The following SAMD5 variants were observed in gnomAD, a reference collection of about 807,000 sequenced individuals.
The protein encoded by SAMD5 is sterile alpha motif domain containing 5.
In SAMD5, 13 loss-of-function variants were observed where a neutral mutation model predicts 11.3. The observed-to-expected ratio is 1.15, with a 90% CI of 0.75 to 1.83. SAMD5 has a LOEUF of 1.83. Ranked by LOEUF, SAMD5 falls within the 40% of genes most tolerant of loss-of-function variation. The probability of loss-of-function intolerance (pLI) is 0.00; values close to 1 mark genes in which losing one functional copy is unlikely to be tolerated. For synonymous variants in SAMD5, 129 were observed against 111.3 expected, an observed-to-expected ratio of 1.16 and a Z score of -1.00; for missense variants, 255 against 239.1, an observed-to-expected ratio of 1.07 and a Z score of -0.44.
chr6:147,884,201 G>A, the SAMD5 span, among the ~76,000 whole-genome samples: 2 of 152,212 alleles, frequency 1.3e-5, no homozygotes, highest in Admixed American at 6.5e-5. Context: ...AAGATGTACA[G>A]TTGGCAAAGA....
At chr6:147,659,569 G>A (rs745435572) in intron 1 of SAMD5, among the ~76,000 whole-genome samples, 11 of 152,130 alleles carry the variant, frequency 7.2e-5, no homozygotes, top group Non-Finnish European at 1.3e-4. Context: ...ATTCTTAGAC[G>A]TGATTAGGAA....
chr6:147,693,610 G>A (rs1201582496), intron 1 of SAMD5, among the ~76,000 whole-genome samples: 1 of 152,230 alleles, frequency 6.6e-6, no homozygotes, highest in Non-Finnish European at 1.5e-5. Context: ...GAGGAATGAT[G>A]TTTAAGGATT....
chr6:147,691,461 T>G (rs1265430180), intron 1 of SAMD5, among the ~76,000 whole-genome samples: 1 of 152,206 alleles, frequency 6.6e-6, no homozygotes, highest in African/African-American at 2.4e-5. Context: ...TTTTTTCAAC[T>G]ATGACTTTCA....
intron 1 of SAMD5, among the ~76,000 whole-genome samples, chr6:147,640,497 C>CAAAA (rs1172694444): frequency 0.048 from 1,156 of 24,200 alleles, 280 homozygotes; most frequent in Non-Finnish European, 0.084. Flanking sequence ...GACTCTGTCG[C>CAAAA]AAAAAAAAAA....
At chr6:147,530,155 G>A (rs1333715) in intron 1 of SAMD5, among the ~76,000 whole-genome samples, 100,207 of 152,132 alleles carry the variant, frequency 0.66, 33,384 homozygotes, top group East Asian at 0.89. Flanking sequence ...TAGAGGTTTC[G>A]CTGCAGAAAG....
the SAMD5 span, among the ~76,000 whole-genome samples, chr6:147,834,966 C>T: frequency 1.2e-3 from 182 of 152,206 alleles, 3 homozygotes; most frequent in Middle Eastern, 6.8e-3. Flanking sequence ...TGGTGGCTCA[C>T]GCCTGTAATC....
chr6:147,946,953 T>C, the SAMD5 span, among the ~76,000 whole-genome samples: 5 of 152,206 alleles, frequency 3.3e-5, no homozygotes, highest in Admixed American at 2.0e-4. Context: ...CAATAAGCTA[T>C]TGTTATTGCT....
At chr6:147,791,897 G>A in the SAMD5 span, among the ~76,000 whole-genome samples, 1 of 152,208 alleles carries the variant, frequency 6.6e-6, no homozygotes, top group Non-Finnish European at 1.5e-5. Flanking sequence ...ACTATAGACA[G>A]TAAACAGAGT....
intron 1 of SAMD5, among the ~76,000 whole-genome samples, chr6:147,704,587 G>A (rs1033530000): frequency 6.6e-6 from 1 of 152,174 alleles, no homozygotes; most frequent in African/African-American, 2.4e-5. Context: ...GGTAGTGGGG[G>A]TGTGGAGTGG....
At chr6:147,697,396 C>T (rs1339757640) in intron 1 of SAMD5, among the ~76,000 whole-genome samples, 2 of 152,170 alleles carry the variant, frequency 1.3e-5, no homozygotes, top group African/African-American at 4.8e-5. Context: ...TTTAATCATT[C>T]AAACTTCCAC....
At chr6:147,522,350 G>A (rs1481794003) in intron 1 of SAMD5, among the ~76,000 whole-genome samples, 1 of 152,100 alleles carries the variant, frequency 6.6e-6, no homozygotes, top group African/African-American at 2.4e-5. Context: ...CTATATTAAG[G>A]AAAAGCATTA....
the SAMD5 span, among the ~76,000 whole-genome samples, chr6:147,784,866 A>T: frequency 6.6e-6 from 1 of 152,236 alleles, no homozygotes; most frequent in Non-Finnish European, 1.5e-5. Context: ...TTGTATCTGT[A>T]ATTACAAACC....
the SAMD5 span, among the ~76,000 whole-genome samples, chr6:147,904,274 G>T: frequency 2.0e-5 from 3 of 152,176 alleles, no homozygotes; most frequent in African/African-American, 7.2e-5. Context: ...GCATGAAAAT[G>T]ATAGGTATAA....
chr6:147,734,711 T>TAAAAAAAAAAAAAAA lies in SAMD5; in HGVS notation c.163-2589_163-2575dup, dbSNP rs61482319. ...CTGGGCGGCAGAGCGAGACTCCATCTAAAAAAAAAAAAAAAAAAAAAAAAA... is the reference window on the plus strand; with the variant it reads ...CTGGGCGGCAGAGCGAGACTCCATCTAAAAAAAAAAAAAAAAAAAAAAAAAAAAAAAAAAAAAAAA... On this transcript the variant is annotated intron_variant, in intron 1 of 1. Transcript: ENST00000566741. 1.8e-3 allele frequency among the ~76,000 whole-genome samples: 47 copies of TAAAAAAAAAAAAAAA among 26,102 alleles called. 1 individual carries two copies. The highest frequency in any genetic ancestry group is 2.9e-3 in the African/African-American group (31 of 10,718). The allele number at this position is 26,102 out of a possible 152,430, so 17.1% of individuals were successfully genotyped here.
At chr6:147,935,167 G>A in the SAMD5 span, among the ~76,000 whole-genome samples, 6 of 152,194 alleles carry the variant, frequency 3.9e-5, no homozygotes, top group African/African-American at 1.4e-4. Context: ...GTGTAGGTTT[G>A]TGTTGTCATC....
At chr6:147,703,083 T>C (rs1010240835) in intron 1 of SAMD5, among the ~76,000 whole-genome samples, 1 of 152,188 alleles carries the variant, frequency 6.6e-6, no homozygotes, top group Admixed American at 6.5e-5. Flanking sequence ...TGTTTTGTTT[T>C]TTGAGAAGGA....
At chr6:147,598,168 G>A (rs972205412) in intron 1 of SAMD5, among the ~76,000 whole-genome samples, 25 of 151,124 alleles carry the variant, frequency 1.7e-4, no homozygotes, top group Admixed American at 4.6e-4. Context: ...TCTGTTGCCC[G>A]AGCTGGATTT....
intron 1 of SAMD5, among the ~76,000 whole-genome samples, chr6:147,702,879 C>A (rs911739334): frequency 7.2e-5 from 11 of 151,898 alleles, no homozygotes; most frequent in African/African-American, 2.4e-4. Flanking sequence ...ACATACAAAT[C>A]TTTTCTATCT....
At chr6:147,534,503 C>A (rs540620789) in intron 1 of SAMD5, among the ~76,000 whole-genome samples, 2 of 152,104 alleles carry the variant, frequency 1.3e-5, no homozygotes, top group South Asian at 4.1e-4. Context: ...GCCGGCTGTG[C>A]GGGAGACCAG....
Sources: allele counts gnomAD v4.1 joint callset (sites outside exome capture counted in the v4.1 genomes callset), GRCh38; gene constraint gnomAD v4.1.1; transcripts MANE v1.5; gene names NCBI Gene and HGNC (gene_info 2026-07-23, HGNC 2026-07-21).